SOX6: variants seen among roughly 807,000 people sequenced by gnomAD.
SOX6 encodes the protein SRY-box transcription factor 6, also known as transcription factor SOX-6.
A neutral mutation model predicts 97.8 loss-of-function variants in SOX6; 11 were observed. That is an observed-to-expected ratio of 0.11 (90% CI 0.07 to 0.19). The LOEUF is 0.19. Ranked by LOEUF, SOX6 falls within the 10% of genes least tolerant of loss-of-function variation. The pLI is 1.00. For synonymous variants in SOX6, 360 were observed against 371.4 expected (o/e 0.97, Z 0.35); for missense variants, 810 against 1,039.5 (o/e 0.78, Z 3.04).
At chr11:16,733,592 G>A (rs1487000582) in intron 2 of SOX6, among the ~76,000 whole-genome samples, 1 of 150,726 alleles carries the variant, frequency 6.6e-6, no homozygotes, top group African/African-American at 2.5e-5. Context: ...TGGGGGGCTA[G>A]GGGAGGGATA....
upstream of SOX6, among the ~76,000 whole-genome samples, chr11:16,360,615 A>G (rs1191982878): frequency 3.3e-5 from 5 of 152,312 alleles, no homozygotes; most frequent in African/African-American, 1.2e-4. Context: ...ATTGTGTCAT[A>G]ATACATTGTA....
At chr11:16,253,191 T>C (rs998734599) in intron 3 of SOX6, among the ~76,000 whole-genome samples, 1 of 151,880 alleles carries the variant, frequency 6.6e-6, no homozygotes, top group African/African-American at 2.4e-5. Flanking sequence ...CTACTAAATA[T>C]ACAAAAAATT....
chr11:16,559,269 T>C (rs995987192), intron 4 of SOX6, among the ~76,000 whole-genome samples: 2 of 152,136 alleles, frequency 1.3e-5, no homozygotes, highest in African/African-American at 4.8e-5. Context: ...AAAAGGAAGA[T>C]GATACTTGAA....
At chr11:16,146,867 G>A (rs1850318565) in intron 6 of SOX6, among the ~76,000 whole-genome samples, 1 of 152,180 alleles carries the variant, frequency 6.6e-6, no homozygotes, top group Non-Finnish European at 1.5e-5. Context: ...GTGCTAGAGA[G>A]GATGTGGAGA....
At chr11:16,638,975 T>G (rs1848844586) in intron 3 of SOX6, among the ~76,000 whole-genome samples, 1 of 152,246 alleles carries the variant, frequency 6.6e-6, no homozygotes, top group Admixed American at 6.5e-5. Flanking sequence ...TTTGGTGTTT[T>G]AGACATGAAG....
At chr11:16,105,237 C>T (rs530963173) in intron 7 of SOX6, among the ~76,000 whole-genome samples, 1 of 151,930 alleles carries the variant, frequency 6.6e-6, no homozygotes, top group South Asian at 2.1e-4. Context: ...GGGATCAAAT[C>T]AGTGTCAAGC....
intron 1 of SOX6, among the ~76,000 whole-genome samples, chr11:16,475,226 T>C (rs1024464444): frequency 6.6e-6 from 1 of 152,212 alleles, no homozygotes; most frequent in Admixed American, 6.5e-5. Flanking sequence ...TGCTTTCTTA[T>C]CATTCATAAT....
At chr11:16,227,441 T>C (rs1326205292) in intron 4 of SOX6, among the ~76,000 whole-genome samples, 1 of 144,358 alleles carries the variant, frequency 6.9e-6, no homozygotes. Flanking sequence ...ATTTTTAATG[T>C]TTTTTTTTTC....
chr11:16,511,465 T>C (rs1051911834), intron 4 of SOX6, among the ~76,000 whole-genome samples: 2 of 152,192 alleles, frequency 1.3e-5, no homozygotes, highest in African/African-American at 4.8e-5. Context: ...CAAAACTTTC[T>C]CTAAAGGAGA....
intron 1 of SOX6, among the ~76,000 whole-genome samples, chr11:16,438,223 G>T (rs769542218): frequency 6.6e-6 from 1 of 151,954 alleles, no homozygotes; most frequent in Non-Finnish European, 1.5e-5. Flanking sequence ...GTGTCAATTT[G>T]CTTTGATTCA....
intron 4 of SOX6, among the ~76,000 whole-genome samples, chr11:16,601,687 T>C (rs189759165): frequency 2.8e-3 from 421 of 152,228 alleles, no homozygotes; most frequent in African/African-American, 9.8e-3. Flanking sequence ...ACTATACTAA[T>C]TGAAAGAAAA....
At chr11:16,149,564 C>T (rs1189933847) in intron 6 of SOX6, among the ~76,000 whole-genome samples, 2 of 152,074 alleles carry the variant, frequency 1.3e-5, no homozygotes, top group Non-Finnish European at 1.5e-5. Flanking sequence ...CTTTTATTCC[C>T]GTCCAGCAAC....
chr11:16,456,365 G>A (rs1349280595), intron 1 of SOX6, among the ~76,000 whole-genome samples: 19 of 152,108 alleles, frequency 1.2e-4, no homozygotes, highest in Admixed American at 1.2e-3. Context: ...CTATAGAGGA[G>A]TCTTGTGAGA....
intron 4 of SOX6, among the ~76,000 whole-genome samples, chr11:16,497,737 T>C (rs1860627899): frequency 7.2e-6 from 1 of 139,100 alleles, no homozygotes; most frequent in South Asian, 2.2e-4. Context: ...ATGAAATGAA[T>C]GAAATGAAGC....
intron 4 of SOX6, among the ~76,000 whole-genome samples, chr11:16,553,614 C>T (rs559175499): frequency 6.6e-5 from 10 of 151,462 alleles, no homozygotes; most frequent in South Asian, 4.2e-4. Flanking sequence ...TGTCTGGACC[C>T]GGTGTATATA....
chr11:16,675,793 G>C (rs1285985779), intron 3 of SOX6, among the ~76,000 whole-genome samples: 1 of 152,122 alleles, frequency 6.6e-6, no homozygotes, highest in Non-Finnish European at 1.5e-5. Context: ...CATGATTTCT[G>C]ATGAAAAATT....
chr11:16,571,950 G>A (rs1281525783), intron 4 of SOX6, among the ~76,000 whole-genome samples: 1 of 152,228 alleles, frequency 6.6e-6, no homozygotes, highest in Non-Finnish European at 1.5e-5. Flanking sequence ...ACTGTTCCCA[G>A]TCCGACATTC....
intron 1 of SOX6, among the ~76,000 whole-genome samples, chr11:16,454,691 T>C (rs1180684163): frequency 6.6e-6 from 1 of 152,072 alleles, no homozygotes; most frequent in Non-Finnish European, 1.5e-5. Flanking sequence ...GCATTCTCCT[T>C]TGCAAGGAAA....
chr11:16,310,203 C>T (rs1279482662), intron 3 of SOX6, among the ~76,000 whole-genome samples: 1 of 151,842 alleles, frequency 6.6e-6, no homozygotes, highest in Non-Finnish European at 1.5e-5. Flanking sequence ...ATGGAGGTTG[C>T]AAAACATATA....
Sources: gnomAD v4.1 joint callset for allele counts (sites outside exome capture counted in the v4.1 genomes callset) on GRCh38, gnomAD v4.1.1 for gene constraint, MANE v1.5 for transcripts, NCBI Gene and HGNC (gene_info 2026-07-23, HGNC 2026-07-21) for gene names.